The following UEVLD variants were observed in gnomAD, a reference collection of about 807,000 sequenced individuals.
The protein encoded by UEVLD is UEV and lactate/malate dehyrogenase domains.
In UEVLD, 47 loss-of-function variants were observed where a neutral mutation model predicts 58.6. That is an observed-to-expected ratio of 0.80 (90% CI 0.63 to 1.02). The LOEUF is 1.02. UEVLD is among the 50% of genes least tolerant of loss of function. The pLI is 0.00. For missense variants in UEVLD, 510 were observed against 550.6 expected (o/e 0.93, Z 0.74); for synonymous variants, 197 against 195.3 (o/e 1.01, Z -0.07).
At chr11:18,585,158 T>C (rs1467523014) in intron 1 of UEVLD, among the ~76,000 whole-genome samples, 1 of 152,186 alleles carries the variant, frequency 6.6e-6, no homozygotes, top group Non-Finnish European at 1.5e-5. Context: ...CCCAAAGTGC[T>C]GAGATTACAG....
At chr11:18,561,824 T>C (rs971876669) in intron 6 of UEVLD, among the ~76,000 whole-genome samples, 5 of 148,462 alleles carry the variant, frequency 3.4e-5, no homozygotes, top group African/African-American at 1.3e-4. Flanking sequence ...AGGGCGAGAC[T>C]TCGTCTCAAA....
chr11:18,584,611 C>T (rs1045146661), intron 1 of UEVLD, among the ~76,000 whole-genome samples: 9 of 152,046 alleles, frequency 5.9e-5, no homozygotes, highest in African/African-American at 2.2e-4. Context: ...ATATCTTTTG[C>T]CCAATTATCT....
chr11:18,573,156 C>A (rs1162953616), intron 3 of UEVLD, among the ~76,000 whole-genome samples: 3 of 152,200 alleles, frequency 2.0e-5, no homozygotes, highest in Non-Finnish European at 4.4e-5. Context: ...AGGCATAGTG[C>A]CAATCAGCGG....
intron 4 of UEVLD, 21 bp downstream of exon 4, chr11:18,570,193 G>T: frequency 1.9e-6 from 3 of 1,546,926 alleles, no homozygotes; most frequent in African/African-American, 1.4e-5. Flanking sequence ...GCTTTCTGTA[G>T]AAAATCCAAA....
At chr11:18,547,694 A>T (rs1034703661) in intron 7 of UEVLD, among the ~76,000 whole-genome samples, 7 of 152,160 alleles carry the variant, frequency 4.6e-5, no homozygotes, top group African/African-American at 9.7e-5. Context: ...CATCAATTAC[A>T]CCATTGGTTC....
chr11:18,579,580 A>G (rs1462951756), intron 1 of UEVLD: 1 of 803,666 alleles, frequency 1.2e-6, no homozygotes, highest in African/African-American at 1.9e-5. Context: ...CAAATGGAAA[A>G]CAAAAGCATG....
At chr11:18,557,657 G>A (rs1565123358) in intron 7 of UEVLD, among the ~76,000 whole-genome samples, 1 of 150,420 alleles carries the variant, frequency 6.6e-6, no homozygotes, top group African/African-American at 2.4e-5. Flanking sequence ...TTGAACACCT[G>A]GGCTCAAGTA....
chr11:18,551,151 G>T (rs1219064411), intron 7 of UEVLD, among the ~76,000 whole-genome samples: 1 of 152,112 alleles, frequency 6.6e-6, no homozygotes, highest in African/African-American at 2.4e-5. Context: ...AGGATAGGCC[G>T]GGTGCAGTGG....
chr11:18,579,389 CAG>C (rs1207896350), intron 1 of UEVLD: 3 of 945,734 alleles, frequency 3.2e-6, no homozygotes, highest in Middle Eastern at 5.4e-4. Flanking sequence ...AATCCAGGAC[CAG>C]AGTCTTTAAT....
intron 1 of UEVLD, among the ~76,000 whole-genome samples, chr11:18,581,741 G>C (rs1853251438): frequency 6.6e-6 from 1 of 151,788 alleles, no homozygotes; most frequent in African/African-American, 2.4e-5. Flanking sequence ...GGAAGAATTT[G>C]CTAGAAGAGA....
At chr11:18,565,101 T>G in intron 5 of UEVLD, 91 bp from the exon 6 acceptor site, 1 of 921,328 alleles carries the variant, frequency 1.1e-6, no homozygotes, top group Non-Finnish European at 1.6e-6. Flanking sequence ...GCTTCATAGC[T>G]TAGAGAGAAA....
intron 7 of UEVLD, 57 bp from the exon 8 acceptor site, chr11:18,547,107 G>C (rs1776575612): frequency 6.5e-7 from 1 of 1,541,298 alleles, no homozygotes; most frequent in South Asian, 1.2e-5. Flanking sequence ...TCAAGTTCTA[G>C]TTCACGATTA....
chr11:18,563,814 G>C (rs970283688), intron 6 of UEVLD: 32 of 362,388 alleles, frequency 8.8e-5, no homozygotes, highest in Non-Finnish European at 2.8e-5. Context: ...AGACCAGCCT[G>C]GCCAACATGG....
intron 7 of UEVLD, among the ~76,000 whole-genome samples, chr11:18,550,097 C>G (rs564259117): frequency 1.3e-5 from 2 of 152,292 alleles, no homozygotes; most frequent in African/African-American, 4.8e-5. Context: ...GCTGGGATTA[C>G]AGGTGTGAGC....
chr11:18,569,482 C>T (rs1373305802), intron 4 of UEVLD, among the ~76,000 whole-genome samples: 3 of 151,976 alleles, frequency 2.0e-5, no homozygotes, highest in Non-Finnish European at 4.4e-5. Context: ...AATTCTACTC[C>T]AAGAGATTTA....
intron 11 of UEVLD, among the ~76,000 whole-genome samples, chr11:18,533,042 TTTTTCTTTTC>T (rs138967512): frequency 0.037 from 5,647 of 150,948 alleles, 207 homozygotes; most frequent in East Asian, 0.18. Context: ...TTCTGGCTAT[TTTTTCTTTTC>T]TTTTCTTTTC....
At chr11:18,546,413 C>T (rs556841333) in intron 8 of UEVLD, among the ~76,000 whole-genome samples, 1 of 152,172 alleles carries the variant, frequency 6.6e-6, no homozygotes, top group Non-Finnish European at 1.5e-5. Context: ...CAGAATATTA[C>T]ACTGTTTATT....
At chr11:18,544,491 A>C in intron 9 of UEVLD, 132 bp downstream of exon 9, 1 of 904,694 alleles carries the variant, frequency 1.1e-6, no homozygotes, top group Non-Finnish European at 1.6e-6. Flanking sequence ...ATCTTTTTGT[A>C]GAGATGGGGT....
chr11:18,542,329 T>C (rs1349239750), intron 9 of UEVLD, among the ~76,000 whole-genome samples: 1 of 152,104 alleles, frequency 6.6e-6, no homozygotes, highest in Non-Finnish European at 1.5e-5. Context: ...GAATGAGCCA[T>C]GAATTTCAAA....
Sources: allele counts gnomAD v4.1 joint callset (sites outside exome capture counted in the v4.1 genomes callset), GRCh38; gene constraint gnomAD v4.1.1; transcripts MANE v1.5; gene names NCBI Gene and HGNC (gene_info 2026-07-23, HGNC 2026-07-21).